The following OR6N1 variants were observed in gnomAD, a reference collection of about 807,000 sequenced individuals.
OR6N1 encodes the protein olfactory receptor 6N1.
For missense variants in OR6N1, 394 were observed against 371.7 expected (o/e 1.06, Z -0.49); for synonymous variants, 170 against 150.7 (o/e 1.13, Z -0.94).
chr1:158,805,658 C>T, the OR6N1 span, among the ~76,000 whole-genome samples: 1 of 150,628 alleles, frequency 6.6e-6, no homozygotes, highest in East Asian at 1.9e-4. Flanking sequence ...AAGGAGGTCT[C>T]AAGAGAAAAA....
At chr1:158,802,182 G>A in the OR6N1 span, among the ~76,000 whole-genome samples, 1 of 147,920 alleles carries the variant, frequency 6.8e-6, no homozygotes, top group Middle Eastern at 3.5e-3. Flanking sequence ...TAGAAGTTCT[G>A]CAAGTCCCTC....
chr1:158,792,202 A>G, the OR6N1 span, among the ~76,000 whole-genome samples: 1 of 152,178 alleles, frequency 6.6e-6, no homozygotes, highest in Non-Finnish European at 1.5e-5. Flanking sequence ...TACCTGATGT[A>G]AGAATAGCTA....
At chr1:158,789,465 A>C in the OR6N1 span, among the ~76,000 whole-genome samples, 1 of 152,026 alleles carries the variant, frequency 6.6e-6, no homozygotes, top group Non-Finnish European at 1.5e-5. Flanking sequence ...CCAACAGCCT[A>C]TGAGCATTCC....
the OR6N1 span, among the ~76,000 whole-genome samples, chr1:158,798,212 A>G: frequency 2.0e-5 from 3 of 151,628 alleles, no homozygotes; most frequent in African/African-American, 7.3e-5. Flanking sequence ...TTTTATTAGT[A>G]TATCATTTTT....
the OR6N1 span, among the ~76,000 whole-genome samples, chr1:158,794,433 T>G: frequency 2.0e-5 from 3 of 152,146 alleles, no homozygotes; most frequent in African/African-American, 7.2e-5. Flanking sequence ...TAGCAATCCC[T>G]GAGGGCCAGA....
chr1:158,800,115 A>G, the OR6N1 span, among the ~76,000 whole-genome samples: 1 of 152,178 alleles, frequency 6.6e-6, no homozygotes, highest in Non-Finnish European at 1.5e-5. Flanking sequence ...TTTCAGTTTT[A>G]TGTTTTTGTA....
At chr1:158,791,944 G>T in the OR6N1 span, among the ~76,000 whole-genome samples, 1 of 152,146 alleles carries the variant, frequency 6.6e-6, no homozygotes. Context: ...TCCAGTGTTT[G>T]TTTGTTGACT....
At chr1:158,818,394 T>G in the OR6N1 span, among the ~76,000 whole-genome samples, 1,161 of 152,142 alleles carry the variant, frequency 7.6e-3, 17 homozygotes, top group African/African-American at 0.026. Flanking sequence ...TAAAAAAGGG[T>G]CAATTTTCAG....
the OR6N1 span, among the ~76,000 whole-genome samples, chr1:158,814,356 C>T: frequency 6.6e-6 from 1 of 152,114 alleles, no homozygotes; most frequent in Non-Finnish European, 1.5e-5. Context: ...ACAGTTTCTA[C>T]CCTTCTAGAG....
At chr1:158,780,908 T>C in the OR6N1 span, among the ~76,000 whole-genome samples, 2 of 152,176 alleles carry the variant, frequency 1.3e-5, no homozygotes, top group South Asian at 4.1e-4. Flanking sequence ...TAAAAGCAAA[T>C]GTTTGCTAAT....
chr1:158,806,590 G>A, the OR6N1 span, among the ~76,000 whole-genome samples: 1 of 152,152 alleles, frequency 6.6e-6, no homozygotes, highest in African/African-American at 2.4e-5. Context: ...TTCAAAGACC[G>A]TGGTGTAAGC....
chr1:158,791,125 A>G, the OR6N1 span, among the ~76,000 whole-genome samples: 8 of 152,224 alleles, frequency 5.3e-5, no homozygotes, highest in Non-Finnish European at 1.0e-4. Context: ...CAACTTGATC[A>G]TGTCAAATTA....
the OR6N1 span, among the ~76,000 whole-genome samples, chr1:158,828,372 C>T: frequency 4.3e-4 from 65 of 152,336 alleles, no homozygotes; most frequent in South Asian, 0.013. Context: ...GATACAGGCA[C>T]TGGGAAAATA....
the OR6N1 span, chr1:158,777,285 G>A: frequency 6.2e-7 from 1 of 1,613,978 alleles, no homozygotes; most frequent in Admixed American, 1.7e-5. Flanking sequence ...CATAGGCCAT[G>A]GCTGTAAGAA....
the OR6N1 span, among the ~76,000 whole-genome samples, chr1:158,787,620 A>ATC: frequency 0.14 from 17,562 of 122,070 alleles, 1,191 homozygotes; most frequent in South Asian, 0.28. Context: ...CTATCTCTCT[A>ATC]TCTCTCTCTC....
the OR6N1 span, among the ~76,000 whole-genome samples, chr1:158,833,977 AG>A: frequency 6.6e-6 from 1 of 152,134 alleles, no homozygotes; most frequent in East Asian, 1.9e-4. Flanking sequence ...ATGATGTACA[AG>A]GTTTCCCTTT....
the OR6N1 span, among the ~76,000 whole-genome samples, chr1:158,828,485 T>C: frequency 0.17 from 26,570 of 152,070 alleles, 2,571 homozygotes; most frequent in Admixed American, 0.26. Context: ...TTCAAAATGA[T>C]CTCCTTTGAC....
At chr1:158,835,758 T>A in the OR6N1 span, among the ~76,000 whole-genome samples, 1 of 152,096 alleles carries the variant, frequency 6.6e-6, no homozygotes, top group Admixed American at 6.5e-5. Flanking sequence ...TTAGCTATGG[T>A]GTTTTCGTAT....
chr1:158,784,005 C>G, the OR6N1 span, among the ~76,000 whole-genome samples: 2 of 152,112 alleles, frequency 1.3e-5, no homozygotes, highest in Non-Finnish European at 2.9e-5. Flanking sequence ...ACTCGGGAGG[C>G]TGAGGCAGGA....
Sources: allele counts gnomAD v4.1 joint callset (sites outside exome capture counted in the v4.1 genomes callset), GRCh38; gene constraint gnomAD v4.1.1; transcripts MANE v1.5; gene names NCBI Gene and HGNC (gene_info 2026-07-23, HGNC 2026-07-21).